Variants in KIAA1549 observed in about 807,000 individuals in gnomAD.
KIAA1549 encodes the protein UPF0606 protein KIAA1549.
KIAA1549 carries 70 observed loss-of-function variants against 156.4 expected under a neutral mutation model. The observed-to-expected ratio is 0.45, with a 90% CI of 0.37 to 0.55. The LOEUF is 0.55. Among genes scored for constraint, KIAA1549 ranks in the 20% least tolerant of loss-of-function variants. KIAA1549 has a pLI of 0.00. For missense variants in KIAA1549, 2,428 were observed against 2,540.9 expected, an observed-to-expected ratio of 0.96 and a Z score of 0.96; for synonymous variants, 1,103 against 1,066.4, an observed-to-expected ratio of 1.03 and a Z score of -0.67.
chr7:138,884,917 C>T (rs1211197748), intron 10 of KIAA1549, among the ~76,000 whole-genome samples: 2 of 152,228 alleles, frequency 1.3e-5, no homozygotes, highest in Admixed American at 6.5e-5. Flanking sequence ...TGTGGAGGGC[C>T]GGGCACAGTG....
Position 138,961,858 on chromosome 7 carries a change from A to G in KIAA1549, c.187+19225T>C, listed in dbSNP as rs1018274147. The stretch of plus-strand genomic sequence containing the variant: ...CTCTGTCTCTTAAGAAAAAAAAAAA[A>G]AAAGAAAGAAAAGGAAAAAGAAAAG... On this transcript the variant is annotated intron_variant, in intron 1 of 19. Coordinates refer to ENST00000422774, the MANE Select transcript of KIAA1549 (RefSeq NM_001164665.2). Among the ~76,000 whole-genome samples the G allele has an allele frequency of 6.0e-4, 91 of 151,904 alleles. 1 individual carries two copies. The highest frequency in any genetic ancestry group is 1.3e-3 in the African/African-American group (56 of 41,494).
intron 1 of KIAA1549, among the ~76,000 whole-genome samples, chr7:138,975,115 T>C (rs1339602604): frequency 6.6e-6 from 1 of 152,118 alleles, no homozygotes; most frequent in African/African-American, 2.4e-5. Context: ...TACGAGGCAG[T>C]GGAGGCAGTG....
rs1814402981 is a variant in KIAA1549 at position 138,977,136 on chromosome 7, TCAAA to T, written c.187+3943_187+3946del. Among the ~76,000 whole-genome samples the T allele has an allele frequency of 2.0e-5, 3 of 152,112 alleles. No individual in the cohort carries two copies. The East Asian group carries it at 5.8e-4, about 29-fold the overall frequency. On this transcript the variant is annotated intron_variant, in intron 1 of 19. Coordinates refer to ENST00000422774, the MANE Select transcript of KIAA1549 (RefSeq NM_001164665.2). ...AAGAACAAATGGCAGATCTTGCTAA[TCAAA>T]ACAACCAAAAACTTCTACATTTCAA...
chr7:138,919,198 A>T lies in KIAA1549; in HGVS notation c.428T>A (p.Val143Glu). Residue 143 changes from valine (V) to glutamate (E), a missense_variant, in exon 2 of 20, where the codon GTG (valine) becomes GAG (glutamate). Val to Glu is a moderately radical substitution (Grantham distance 121, BLOSUM62 -2). This residue lies in a region of KIAA1549 where 893 missense variants were observed against 847.9 expected (regional missense o/e 1.05). Coordinates refer to ENST00000422774, the MANE Select transcript of KIAA1549 (RefSeq NM_001164665.2). ...GGCCACCTCTTTACTCGTCACTGAC[A>T]CGTAAGTTGCCACAAAGATGCTGGG... is the stretch of plus-strand genomic sequence containing the variant. ...ADPSIFVATYVSVTSKEVAVN... is the reference protein window; with the variant it reads ...ADPSIFVATYESVTSKEVAVN... 6.2e-7 allele frequency: 1 copy of T among 1,614,026 alleles called. No homozygotes were observed. The highest frequency in any genetic ancestry group is 8.5e-7 in the Non-Finnish European group (1 of 1,179,896).
intron 8 of KIAA1549, among the ~76,000 whole-genome samples, chr7:138,902,548 C>CTGTGA (rs1165489899): frequency 6.6e-6 from 1 of 152,224 alleles, no homozygotes; most frequent in Non-Finnish European, 1.5e-5. Context: ...CTCCAACTTT[C>CTGTGA]TGTGAGTATG....
intron 1 of KIAA1549, among the ~76,000 whole-genome samples, chr7:138,970,743 G>A (rs575066025): frequency 5.9e-5 from 9 of 152,308 alleles, no homozygotes; most frequent in African/African-American, 2.2e-4. Context: ...GCTCAGACCT[G>A]TCTCCTGGGC....
intron 1 of KIAA1549, among the ~76,000 whole-genome samples, chr7:138,972,413 C>T (rs1814247569): frequency 6.7e-6 from 1 of 148,992 alleles, no homozygotes; most frequent in South Asian, 2.2e-4. Context: ...TCAGCTGCAC[C>T]CCCTCCTCCC....
At chr7:138,957,403 T>A (rs1360408008) in intron 1 of KIAA1549, among the ~76,000 whole-genome samples, 2 of 152,086 alleles carry the variant, frequency 1.3e-5, no homozygotes, top group African/African-American at 4.8e-5. Context: ...ATCCTAAATC[T>A]TGGCCCACTA....
At chr7:138,882,335 G>A (rs1315802792) in intron 10 of KIAA1549, among the ~76,000 whole-genome samples, 2 of 152,254 alleles carry the variant, frequency 1.3e-5, no homozygotes, top group African/African-American at 4.8e-5. Context: ...AGAGAAAGAA[G>A]CCATTGAGGA....
chr7:138,917,938 C>A lies in KIAA1549; in HGVS notation c.1688G>T (p.Ser563Ile). ...VTTAFFSVIT[S>I]ILLDSSFSVI... ...AGAGAAAGATGAGTCAAGGAGAATG[C>A]TGGTGATGACCGAGAAAAATGCAGT... Residue 563 changes from serine to isoleucine, a missense_variant, in exon 2 of 20, where the codon AGC (serine) becomes ATC (isoleucine). Transcript: ENST00000422774. 6.3e-7 allele frequency: 1 copy of A among 1,594,268 alleles called. No individual in the cohort carries two copies. Among genetic ancestry groups the A allele is most frequent in the Non-Finnish European group, 8.5e-7 (1 of 1,170,246 alleles).
chr7:138,865,860 G>T (rs1810723812), intron 15 of KIAA1549, among the ~76,000 whole-genome samples: 2 of 152,178 alleles, frequency 1.3e-5, no homozygotes, highest in Admixed American at 1.3e-4. Flanking sequence ...GACTGAGAGG[G>T]TTCCCCACAA....
At chr7:138,867,235 GC>G (rs1196549844) in intron 15 of KIAA1549, among the ~76,000 whole-genome samples, 1 of 152,126 alleles carries the variant, frequency 6.6e-6, no homozygotes, top group Non-Finnish European at 1.5e-5. Context: ...AGGAAACCCA[GC>G]CAGGCTAGCT....
rs1268315489 is a variant in KIAA1549, at chr7:138,921,477, T to C, written c.188-2039A>G. Among the ~76,000 whole-genome samples the C allele has an allele frequency of 5.3e-5, 8 of 152,174 alleles. No individual in the cohort carries two copies. In the East Asian group the frequency reaches 1.5e-3, roughly 29 times the overall value. Reference sequence around the variant, plus strand: ...CCCAGGACCTCACAATATGACCATATTCGGAAACAGGGTCAGTGTAGATGT... The same window carrying C: ...CCCAGGACCTCACAATATGACCATACTCGGAAACAGGGTCAGTGTAGATGT... On this transcript the variant is annotated intron_variant, in intron 1 of 19. Coordinates refer to ENST00000422774, the MANE Select transcript of KIAA1549 (RefSeq NM_001164665.2).
rs1302717314 is a variant in KIAA1549 at position 138,899,132 on chromosome 7, C to A, written c.3670G>T (p.Val1224Leu). ...CCCTCCAGCCTCGACACATTTACCA[C>A]CTGAAAGATAGCAGAAACCATTCAC... ...TVAAGNSVVQ[V>L]VNVSRLEGDD... The change falls in exon 9 of 20, where the codon GTG becomes TTG. Residue 1224 changes from valine to leucine, a missense_variant and splice_region_variant. By Grantham distance (32) the Val-to-Leu change is conservative (BLOSUM62 1). Around this residue, in one of 5 missense-constraint regions of KIAA1549, gnomAD observed 762 missense variants for 901.6 expected, o/e 0.85. Coordinates refer to ENST00000422774, the MANE Select transcript of KIAA1549 (RefSeq NM_001164665.2). 7 of 1,613,474 alleles carry A rather than the reference C, an allele frequency of 4.3e-6. No homozygotes were observed. The highest frequency in any genetic ancestry group is 5.1e-6 in the Non-Finnish European group (6 of 1,179,538).
intron 1 of KIAA1549, among the ~76,000 whole-genome samples, chr7:138,965,778 T>C (rs1814005075): frequency 6.6e-6 from 1 of 152,190 alleles, no homozygotes; most frequent in Non-Finnish European, 1.5e-5. Context: ...AGGTAGGATT[T>C]GGGGTGATTT....
intron 1 of KIAA1549, among the ~76,000 whole-genome samples, chr7:138,968,038 T>G (rs576256925): frequency 6.6e-6 from 1 of 152,286 alleles, no homozygotes; most frequent in East Asian, 1.9e-4. Context: ...CCCACTCCAC[T>G]AGGCATGGAT....
At chr7:138,954,152 G>A (rs546071507) in intron 1 of KIAA1549, among the ~76,000 whole-genome samples, 17 of 152,300 alleles carry the variant, frequency 1.1e-4, no homozygotes, top group South Asian at 4.1e-4. Flanking sequence ...ATAAATATAC[G>A]ATGGTAGACA....
chr7:138,847,791 G>A (rs1810122065), intron 17 of KIAA1549, among the ~76,000 whole-genome samples: 2 of 152,150 alleles, frequency 1.3e-5, no homozygotes, highest in African/African-American at 2.4e-5. Context: ...GAATTACTGG[G>A]ATTCTGAATG....
chr7:138,900,264 T>A (rs1395555353), intron 8 of KIAA1549, among the ~76,000 whole-genome samples: 2 of 152,114 alleles, frequency 1.3e-5, no homozygotes, highest in Non-Finnish European at 2.9e-5. Context: ...ACAACACACG[T>A]CCAAACCCTC....
Sources: gnomAD v4.1 joint callset for allele counts (sites outside exome capture counted in the v4.1 genomes callset) on GRCh38, gnomAD v4.1.1 for gene constraint, gnomAD v4.1.1 regional missense constraint, MANE v1.5 for transcripts, NCBI Gene and HGNC (gene_info 2026-07-23, HGNC 2026-07-21) for gene names.